The following SLC47A2 variants were observed in gnomAD, a reference collection of about 807,000 sequenced individuals.
The protein encoded by SLC47A2 is multidrug and toxin extrusion protein 2.
SLC47A2 carries 52 observed loss-of-function variants against 67.7 expected under a neutral mutation model. The observed-to-expected ratio is 0.77, with a 90% CI of 0.61 to 0.97. SLC47A2 has a LOEUF of 0.97. Ranked by LOEUF, SLC47A2 falls within the 50% of genes least tolerant of loss-of-function variation. The probability of loss-of-function intolerance (pLI) is 0.00; values close to 1 mark genes in which losing one functional copy is unlikely to be tolerated. For missense variants in SLC47A2, 676 were observed against 712.3 expected (o/e 0.95, Z 0.58); for synonymous variants, 278 against 292.9 (o/e 0.95, Z 0.52).
intron 12 of SLC47A2, 136 bp downstream of exon 12, chr17:19,702,956 C>G (rs942084303): frequency 2.3e-5 from 24 of 1,021,318 alleles, no homozygotes; most frequent in Non-Finnish European, 3.2e-5. Context: ...TTGGCTTCCT[C>G]TCAGTGAGAG....
chr17:19,690,244 A>G (rs1230843092), intron 13 of SLC47A2, among the ~76,000 whole-genome samples: 1 of 152,222 alleles, frequency 6.6e-6, no homozygotes, highest in Non-Finnish European at 1.5e-5. Context: ...CTAGACCCCT[A>G]TCTCTCACCG....
chr17:19,704,412 C>G (rs2085872153), intron 10 of SLC47A2, among the ~76,000 whole-genome samples: 1 of 152,268 alleles, frequency 6.6e-6, no homozygotes, highest in Non-Finnish European at 1.5e-5. Context: ...CCTGCGCCAT[C>G]AGAAGCAGCA....
intron 6 of SLC47A2, 73 bp downstream of exon 6, chr17:19,708,643 C>T (rs1473548276): frequency 6.2e-7 from 1 of 1,602,662 alleles, no homozygotes; most frequent in East Asian, 2.2e-5. Flanking sequence ...AGGGGAAAGC[C>T]CCAGGCCCCC....
intron 8 of SLC47A2, among the ~76,000 whole-genome samples, chr17:19,707,260 G>A (rs918970129): frequency 2.6e-5 from 4 of 151,978 alleles, no homozygotes; most frequent in African/African-American, 9.7e-5. Context: ...GCAGGAGAAG[G>A]TCCTTGTATG....
At chr17:19,686,078 A>G (rs1240827494) in intron 13 of SLC47A2, among the ~76,000 whole-genome samples, 2 of 152,136 alleles carry the variant, frequency 1.3e-5, no homozygotes, top group African/African-American at 4.8e-5. Flanking sequence ...CCTGGCCAAC[A>G]TGGTGAAACC....
intron 13 of SLC47A2, among the ~76,000 whole-genome samples, chr17:19,697,751 CTTTT>C (rs563463732): frequency 3.0e-4 from 41 of 136,478 alleles, no homozygotes; most frequent in Non-Finnish European, 6.1e-4. Context: ...CTATGCCCAG[CTTTT>C]TTTTTTTTTT....
intron 3 of SLC47A2, chr17:19,714,349 C>T (rs753673004): frequency 2.4e-6 from 1 of 408,620 alleles, no homozygotes; most frequent in African/African-American, 2.0e-5. Context: ...ACTGCAGGCC[C>T]CTGCAAGCAG....
At chr17:19,705,535 G>T in intron 9 of SLC47A2, 32 bp from the exon 10 acceptor site, 3 of 1,595,746 alleles carry the variant, frequency 1.9e-6, no homozygotes, top group Non-Finnish European at 2.6e-6. Context: ...AGTCCGGCCC[G>T]CAGCCCCAGA....
chr17:19,682,669 A>G (rs368016707), intron 13 of SLC47A2, among the ~76,000 whole-genome samples: 1 of 152,206 alleles, frequency 6.6e-6, no homozygotes, highest in Non-Finnish European at 1.5e-5. Flanking sequence ...TCACACCTGC[A>G]AAGTCCCATT....
At chr17:19,707,108 G>T (rs572009270) in intron 8 of SLC47A2, among the ~76,000 whole-genome samples, 1 of 152,086 alleles carries the variant, frequency 6.6e-6, no homozygotes, top group Non-Finnish European at 1.5e-5. Context: ...CCTCCCTGGG[G>T]AGTTTTCAGA....
chr17:19,704,250 G>A, intron 10 of SLC47A2, 72 bp from the exon 11 acceptor site: 1 of 1,292,874 alleles, frequency 7.7e-7, no homozygotes, highest in Non-Finnish European at 1.1e-6. Context: ...GCCAGCCTGG[G>A]CCAAGAGGGA....
Position 19,713,960 on chromosome 17 carries a change from G to A in SLC47A2, c.308C>T (p.Pro103Leu). 1.2e-6 allele frequency: 2 copies of A among 1,612,624 alleles called. No individual in the cohort carries two copies. The highest frequency in any genetic ancestry group is 8.5e-7 in the Non-Finnish European group (1 of 1,179,160). Residue 103 changes from proline (P) to leucine (L), a missense_variant, in exon 4 of 17, where the codon CCC (proline) becomes CTC (leucine). By Grantham distance (98) the Pro-to-Leu change is moderately conservative (BLOSUM62 -3). Coordinates refer to ENST00000433844, the MANE Select transcript of SLC47A2 (RefSeq NM_001099646.3). ...DTLMSQSFGS[P>L]NKKHVGVILQ... ...GATCACGCCCACGTGCTTCTTGTTG[G>A]GGCTGCCGAAGCTCTGCAAAACAGC...
At position 19,702,662 on chromosome 17, in the gene SLC47A2, G is replaced by A. The variant is rs767270590; in HGVS notation, c.1107C>T (p.Ala369=). The change falls in exon 13 of 17, where the codon GCC becomes GCT. Residue 369 remains alanine, a synonymous_variant. Coordinates refer to ENST00000433844, the MANE Select transcript of SLC47A2 (RefSeq NM_001099646.3). ...HIFTNDEDVI[A]LVSQVLPVYS... ...AAACCGGCAAGACCTGGCTCACCAGGGCAATGACATCTCTGCAGAAGAAAT... is the reference window on the plus strand; with the variant it reads ...AAACCGGCAAGACCTGGCTCACCAGAGCAATGACATCTCTGCAGAAGAAAT... 3 of 1,613,762 alleles carry A rather than the reference G, an allele frequency of 1.9e-6. No individual in the cohort carries two copies. Among genetic ancestry groups the A allele is most frequent in the Non-Finnish European group, 1.7e-6 (2 of 1,179,960 alleles).
chr17:19,684,810 GCCCTCT>G (rs373264028), intron 13 of SLC47A2, among the ~76,000 whole-genome samples: 2,092 of 151,424 alleles, frequency 0.014, 43 homozygotes, highest in African/African-American at 0.047. Context: ...ACTACTTTTC[GCCCTCT>G]CCCTCTCCCT....
In SLC47A2 at chr17:19,681,401, G is replaced by A. The variant is rs768210016; in HGVS notation, c.1358C>T (p.Thr453Ile). The change falls in exon 15 of 17, where the codon ACT (threonine) becomes ATT (isoleucine). Residue 453 changes from threonine (T) to isoleucine (I), a missense_variant. Thr to Ile is a moderately conservative substitution (Grantham distance 89). Coordinates refer to ENST00000433844, the MANE Select transcript of SLC47A2 (RefSeq NM_001099646.3). ...FLATAAFVAY[T>I]ARLDWKLAAE... Reference sequence around the variant, plus strand: ...AGCAAGCTTCCAGTCCAGCCGGGCAGTATAAGCAACAAAGGCAGCAGTTGC... The same window carrying A: ...AGCAAGCTTCCAGTCCAGCCGGGCAATATAAGCAACAAAGGCAGCAGTTGC... 5.0e-6 allele frequency: 8 copies of A among 1,612,862 alleles called. No homozygotes were observed. The South Asian group carries it at 8.8e-5, about 18-fold the overall frequency.
chr17:19,696,436 T>G, intron 13 of SLC47A2, among the ~76,000 whole-genome samples: 1 of 141,466 alleles, frequency 7.1e-6, no homozygotes, highest in South Asian at 2.2e-4. Flanking sequence ...CACTCCAGCC[T>G]GGCAACATAG....
chr17:19,704,788 T>A, intron 10 of SLC47A2: 1 of 957,984 alleles, frequency 1.0e-6, no homozygotes, highest in Non-Finnish European at 1.5e-6. Context: ...GACTGCAGTG[T>A]GCAGGAATGT....
Position 19,713,921 on chromosome 17 carries a change from G to A in SLC47A2, c.347C>T (p.Ala116Val), listed in dbSNP as rs776268808. ...KHVGVILQRG[A>V]LVLLLCCLPC... ...GAGGCAGCAGAGGAGCAGGACCAGC[G>A]CGCCCCGCTGCAGGATCACGCCCAC... The change falls in exon 4 of 17, where the codon GCG becomes GTG. Residue 116 changes from alanine to valine, a missense_variant. By Grantham distance (64) the Ala-to-Val change is moderately conservative (BLOSUM62 0). Transcript: ENST00000433844. The A allele has an allele frequency of 4.7e-5, 76 of 1,613,606 alleles. No individual in the cohort carries two copies. The highest frequency in any genetic ancestry group is 6.1e-5 in the Non-Finnish European group (72 of 1,179,852).
At chr17:19,718,917 C>A (rs2086312149), upstream of SLC47A2, 1 of 152,342 alleles carries the variant, frequency 6.6e-6, no homozygotes, top group African/African-American at 2.4e-5. Context: ...GCAGACTCAG[C>A]TCCGAGTTGG....
Sources: allele counts gnomAD v4.1 joint callset (sites outside exome capture counted in the v4.1 genomes callset), GRCh38; gene constraint gnomAD v4.1.1; transcripts MANE v1.5; gene names NCBI Gene and HGNC (gene_info 2026-07-23, HGNC 2026-07-21).